EYA3: variants seen among roughly 807,000 people sequenced by gnomAD.
The protein encoded by EYA3 is EYA transcriptional coactivator and phosphatase 3.
A neutral mutation model predicts 80.0 loss-of-function variants in EYA3; 39 were observed. That is an observed-to-expected ratio of 0.49 (90% confidence interval 0.38 to 0.64). The LOEUF (loss-of-function observed/expected upper bound fraction) is 0.64, where lower values mean the gene tolerates loss of function less well. Ranked by LOEUF, EYA3 falls within the 30% of genes least tolerant of loss-of-function variation. The pLI is 0.00. For synonymous variants in EYA3, 206 were observed against 232.8 expected, an observed-to-expected ratio of 0.88 and a Z score of 1.05; for missense variants, 523 against 676.1, an observed-to-expected ratio of 0.77 and a Z score of 2.51.
At position 28,064,385 on chromosome 1, in the gene EYA3, T is replaced by C. The variant is rs550157376; in HGVS notation, c.-68-6291A>G. ...CTCTCTCTCTCTCTCTCTCTATATATATATATATAAATATATAGAGCCTGC... is the reference window on the plus strand; with the variant it reads ...CTCTCTCTCTCTCTCTCTCTATATACATATATATAAATATATAGAGCCTGC... On this transcript the variant is annotated intron_variant, in intron 1 of 17. Coordinates refer to ENST00000373871, the MANE Select transcript of EYA3 (RefSeq NM_001990.4). Among the ~76,000 whole-genome samples the C allele has an allele frequency of 3.4e-5, 5 of 148,182 alleles. No individual in the cohort carries two copies. In the South Asian group the frequency reaches 1.1e-3, roughly 31 times the overall value.
intron 16 of EYA3, among the ~76,000 whole-genome samples, chr1:27,987,763 T>C (rs1359464146): frequency 6.6e-6 from 1 of 152,206 alleles, no homozygotes; most frequent in East Asian, 1.9e-4. Flanking sequence ...CTCAGCTTAC[T>C]GCAAGCTCCG....
chr1:28,086,164 T>C (rs990781256), intron 1 of EYA3, among the ~76,000 whole-genome samples: 3 of 152,138 alleles, frequency 2.0e-5, no homozygotes, highest in African/African-American at 4.8e-5. Flanking sequence ...AGAGCATGTA[T>C]AGGACTTCTT....
rs35508691 is a variant in EYA3 at position 28,028,582 on chromosome 1, CT to C, written c.362-657del. Among the ~76,000 whole-genome samples the C allele has an allele frequency of 9.0e-3, 1,286 of 143,082 alleles. 5 individuals carry two copies. The highest frequency in any genetic ancestry group is 0.013 in the Non-Finnish European group (824 of 65,386). The allele number at this position is 143,082 out of a possible 152,430, so 93.9% of individuals were successfully genotyped here. A position where few individuals can be genotyped will look rare whatever the true frequency, so the allele number is the denominator to read the frequency against. The stretch of plus-strand genomic sequence containing the variant: ...GTCACCCAGATGATTTCTTCTTCTT[CT>C]TTTTTTTTTTTTTAAATAAGATAGG... On this transcript the variant is annotated intron_variant, in intron 6 of 17. Transcript: ENST00000373871.
At chr1:28,084,581 ATATATATATATATATTTTTTTTTTTTTT>A (rs1160652382) in intron 1 of EYA3, among the ~76,000 whole-genome samples, 183 of 15,128 alleles carry the variant, frequency 0.012, 4 homozygotes, top group African/African-American at 0.043. Context: ...ATATATATAT[ATATATATATATATATTTTTTTTTTTTTT>A]TTTTTTTTTT....
intron 1 of EYA3, among the ~76,000 whole-genome samples, chr1:28,064,253 C>A (rs1255108176): frequency 3.3e-5 from 5 of 151,760 alleles, no homozygotes; most frequent in Non-Finnish European, 4.4e-5. Context: ...TGTGTGCATA[C>A]ACGTATATAA....
At chr1:28,003,882 G>A (rs1455955657) in intron 11 of EYA3, among the ~76,000 whole-genome samples, 1 of 133,084 alleles carries the variant, frequency 7.5e-6, no homozygotes, top group South Asian at 2.4e-4. Context: ...AGTTTAAAAA[G>A]GGATTAATCT....
Position 28,022,356 on chromosome 1 carries a change from G to C in EYA3, c.500-5117C>G, listed in dbSNP as rs573043259. ...GTAGAGACAGGATTTCACCATGTTA[G>C]CCAGGATGGTCTCGATCTCCTGACC... On this transcript the variant is annotated intron_variant, in intron 7 of 17. Coordinates refer to ENST00000373871, the MANE Select transcript of EYA3 (RefSeq NM_001990.4). Among the ~76,000 whole-genome samples the C allele has an allele frequency of 7.9e-5, 12 of 151,936 alleles. No homozygotes were observed. In the South Asian group the frequency reaches 2.5e-3, roughly 32 times the overall value.
chr1:28,059,715 A>ATTTTTTTTTTTTTTTTTTTTTTTT (rs1224157714), intron 1 of EYA3, among the ~76,000 whole-genome samples: 1 of 113,616 alleles, frequency 8.8e-6, no homozygotes, highest in African/African-American at 3.3e-5. Flanking sequence ...CATTTGTTGG[A>ATTTTTTTTTTTTTTTTTTTTTTTT]TTTTTTTTTT....
chr1:28,056,716 G>A (rs956645943), intron 2 of EYA3, among the ~76,000 whole-genome samples: 1 of 152,194 alleles, frequency 6.6e-6, no homozygotes, highest in Non-Finnish European at 1.5e-5. Flanking sequence ...GGGCAGAAGA[G>A]ATAGATGACT....
At chr1:27,986,727 G>A (rs1451224335) in intron 16 of EYA3, among the ~76,000 whole-genome samples, 1 of 150,776 alleles carries the variant, frequency 6.6e-6, no homozygotes, top group African/African-American at 2.4e-5. Context: ...TTTCGAGATG[G>A]AGTCTCACTC....
intron 1 of EYA3, among the ~76,000 whole-genome samples, chr1:28,084,578 TATATATATATATATA>T (rs1645560178): frequency 6.7e-5 from 1 of 14,882 alleles, no homozygotes; most frequent in Non-Finnish European, 1.5e-4. Flanking sequence ...TATATATATA[TATATATATATATATA>T]TATTTTTTTT....
At chr1:28,064,471 C>T (rs1025078795) in intron 1 of EYA3, among the ~76,000 whole-genome samples, 1 of 148,578 alleles carries the variant, frequency 6.7e-6, no homozygotes, top group Non-Finnish European at 1.5e-5. Context: ...TACTCCAATA[C>T]CTACAAATTT....
rs1195680067 is a variant in EYA3 at position 27,989,927 on chromosome 1, T to TA, written c.1304-117dup. 5.9e-6 allele frequency: 3 copies of TA among 509,232 alleles called. No homozygotes were observed. In the Admixed American group the frequency reaches 1.1e-4, roughly 18 times the overall value. 31.5% of individuals were successfully genotyped at this position (509,232 alleles called of 1,614,324 possible). A position where few individuals can be genotyped will look rare whatever the true frequency, so the allele number is the denominator to read the frequency against. On this transcript the variant is annotated intron_variant, in intron 14 of 17. Coordinates refer to ENST00000373871, the MANE Select transcript of EYA3 (RefSeq NM_001990.4). Reference sequence around the variant, plus strand: ...TGAGTCACTGAAATATTCTACTGAGTATGTTTATATATATATATATACATA... The same window carrying TA: ...TGAGTCACTGAAATATTCTACTGAGTAATGTTTATATATATATATATACATA...
chr1:28,075,705 CA>C (rs1180938001), intron 1 of EYA3, among the ~76,000 whole-genome samples: 1 of 152,170 alleles, frequency 6.6e-6, no homozygotes, highest in East Asian at 1.9e-4. Flanking sequence ...AGATTGCTGC[CA>C]TTGATAAATA....
At chr1:28,065,885 C>G (rs1051249349) in intron 1 of EYA3, among the ~76,000 whole-genome samples, 1 of 151,886 alleles carries the variant, frequency 6.6e-6, no homozygotes, top group African/African-American at 2.4e-5. Flanking sequence ...TGCCTGTAAT[C>G]CCAGATACTC....
chr1:28,047,639 CTTTTTTTT>C (rs370957666), intron 3 of EYA3, among the ~76,000 whole-genome samples: 4 of 133,224 alleles, frequency 3.0e-5, no homozygotes, highest in Admixed American at 7.6e-5. Context: ...CCTCTTTTCT[CTTTTTTTT>C]TTTTTTTTTG....
intron 17 of EYA3, 60 bp from the exon 18 acceptor site, chr1:27,974,606 T>C (rs1638850905): frequency 6.9e-7 from 1 of 1,443,010 alleles, no homozygotes; most frequent in African/African-American, 1.4e-5. Context: ...ATATAAATAT[T>C]TGCCCATACT....
At chr1:27,977,417 G>T in intron 17 of EYA3, 1 of 1,546,566 alleles carries the variant, frequency 6.5e-7, no homozygotes, top group South Asian at 1.2e-5. Context: ...GGGATAGGGA[G>T]GGAAAGAACT....
intron 8 of EYA3, among the ~76,000 whole-genome samples, chr1:28,016,253 C>T (rs761848996): frequency 1.8e-4 from 28 of 152,200 alleles, no homozygotes; most frequent in Non-Finnish European, 2.2e-4. Flanking sequence ...CAAGGCTGGG[C>T]GCGGTGGCTC....
Sources: allele counts gnomAD v4.1 joint callset (sites outside exome capture counted in the v4.1 genomes callset), GRCh38; gene constraint gnomAD v4.1.1; transcripts MANE v1.5; gene names NCBI Gene and HGNC (gene_info 2026-07-23, HGNC 2026-07-21).